Variants in ITPR2 observed in about 807,000 individuals in gnomAD.
ITPR2 encodes the protein inositol 1,4,5-trisphosphate receptor type 2.
ITPR2 carries 207 observed loss-of-function variants against 317.1 expected under a neutral mutation model. The observed-to-expected ratio is 0.65, with a 90% CI of 0.58 to 0.73. The LOEUF (loss-of-function observed/expected upper bound fraction) is 0.73, where lower values mean the gene tolerates loss of function less well. ITPR2 is among the 30% of genes least tolerant of loss of function. ITPR2 has a pLI of 0.00. For missense variants in ITPR2, 2,613 were observed against 3,284.0 expected, an observed-to-expected ratio of 0.80 and a Z score of 4.99; for synonymous variants, 1,156 against 1,149.1, an observed-to-expected ratio of 1.01 and a Z score of -0.12.
At chr12:26,576,985 ACTCTCT>A (rs145866496) in intron 34 of ITPR2, among the ~76,000 whole-genome samples, 1 of 149,262 alleles carries the variant, frequency 6.7e-6, no homozygotes, top group Non-Finnish European at 1.5e-5. Context: ...CCTTCCTTTC[ACTCTCT>A]CTCTCTCTCT....
chr12:26,748,547 T>A (rs1420722713), intron 2 of ITPR2, among the ~76,000 whole-genome samples: 5 of 152,344 alleles, frequency 3.3e-5, no homozygotes, highest in Non-Finnish European at 7.3e-5. Flanking sequence ...CAGATATGTA[T>A]CTTTAAATCA....
chr12:26,533,107 CTA>C (rs1300887046), intron 37 of ITPR2, among the ~76,000 whole-genome samples: 14 of 152,226 alleles, frequency 9.2e-5, no homozygotes, highest in Non-Finnish European at 2.1e-4. Flanking sequence ...AAACTGGACT[CTA>C]TATTTGAGTC....
intron 10 of ITPR2, among the ~76,000 whole-genome samples, chr12:26,692,117 G>GCCCCCC (rs199783738): frequency 2.6e-4 from 39 of 151,692 alleles, no homozygotes; most frequent in African/African-American, 9.2e-4. Context: ...CTGGTACACC[G>GCCCCCC]CCCCCCCGCC....
intron 2 of ITPR2, among the ~76,000 whole-genome samples, chr12:26,744,413 ACT>A (rs1949285808): frequency 6.6e-6 from 1 of 152,044 alleles, no homozygotes; most frequent in African/African-American, 2.4e-5. Context: ...TGCACAGGTA[ACT>A]CTGCCCCGAC....
At chr12:26,734,132 A>G (rs1341620700) in intron 2 of ITPR2, among the ~76,000 whole-genome samples, 1 of 152,210 alleles carries the variant, frequency 6.6e-6, no homozygotes, top group Non-Finnish European at 1.5e-5. Context: ...GCTTTGAAGT[A>G]TTAGTTCTAT....
chr12:26,689,811 TGAA>T (rs946486859), intron 10 of ITPR2, among the ~76,000 whole-genome samples: 2 of 152,232 alleles, frequency 1.3e-5, no homozygotes, highest in Non-Finnish European at 2.9e-5. Flanking sequence ...ACAATGATTA[TGAA>T]GAACACGGCA....
At chr12:26,490,109 CA>C (rs1942763324) in intron 39 of ITPR2, among the ~76,000 whole-genome samples, 1 of 152,076 alleles carries the variant, frequency 6.6e-6, no homozygotes, top group South Asian at 2.1e-4. Flanking sequence ...GCTGTTTCAT[CA>C]AAAAATATTT....
At chr12:26,779,158 AG>A (rs1007427411) in intron 2 of ITPR2, among the ~76,000 whole-genome samples, 21 of 152,180 alleles carry the variant, frequency 1.4e-4, no homozygotes, top group Non-Finnish European at 2.6e-4. Flanking sequence ...AGTGACAGAT[AG>A]GGATGCTGTT....
At chr12:26,829,882 T>C (rs1258196570) in intron 1 of ITPR2, among the ~76,000 whole-genome samples, 1 of 152,158 alleles carries the variant, frequency 6.6e-6, no homozygotes, top group Non-Finnish European at 1.5e-5. Flanking sequence ...GTTTCACCAA[T>C]AGCAGCATTT....
chr12:26,441,836 C>A (rs908681359), intron 46 of ITPR2, among the ~76,000 whole-genome samples: 9 of 152,120 alleles, frequency 5.9e-5, no homozygotes, highest in Non-Finnish European at 5.9e-5. Context: ...CAGAGGACAT[C>A]CTTTTCCACA....
chr12:26,641,797 G>C (rs1946994809), intron 21 of ITPR2, among the ~76,000 whole-genome samples: 1 of 151,748 alleles, frequency 6.6e-6, no homozygotes, highest in South Asian at 2.1e-4. Context: ...CTAGTGTAGA[G>C]CATGTGTTTG....
intron 10 of ITPR2, among the ~76,000 whole-genome samples, chr12:26,693,312 G>A (rs10842777): frequency 0.42 from 63,318 of 151,968 alleles, 13,757 homozygotes; most frequent in East Asian, 0.57. Context: ...AAGAAGAAAA[G>A]CTATCAAGTC....
intron 14 of ITPR2, among the ~76,000 whole-genome samples, chr12:26,664,291 C>G (rs2136921854): frequency 6.6e-6 from 1 of 151,824 alleles, no homozygotes; most frequent in African/African-American, 2.4e-5. Flanking sequence ...CAGAAAATGA[C>G]TTCCAAACAT....
At chr12:26,446,364 G>T (rs762644963) in intron 45 of ITPR2, among the ~76,000 whole-genome samples, 1 of 151,980 alleles carries the variant, frequency 6.6e-6, no homozygotes, top group Admixed American at 6.6e-5. Context: ...GTTGGGTAAG[G>T]TCAACAACAC....
intron 26 of ITPR2, among the ~76,000 whole-genome samples, chr12:26,611,057 C>G (rs904560293): frequency 3.9e-5 from 6 of 152,228 alleles, no homozygotes; most frequent in Non-Finnish European, 7.3e-5. Context: ...GCGTAACCGT[C>G]TCAATAAAGG....
intron 5 of ITPR2, among the ~76,000 whole-genome samples, chr12:26,716,861 C>T (rs953915982): frequency 6.6e-6 from 1 of 152,066 alleles, no homozygotes; most frequent in Non-Finnish European, 1.5e-5. Context: ...CTCCTTAAAC[C>T]TGATGTTCAT....
chr12:26,807,743 G>A (rs888330845), intron 1 of ITPR2, among the ~76,000 whole-genome samples: 1 of 152,118 alleles, frequency 6.6e-6, no homozygotes, highest in Non-Finnish European at 1.5e-5. Context: ...CTTGGTAAGG[G>A]ACATTCAATG....
chr12:26,376,806 G>A (rs1326893382), intron 55 of ITPR2, among the ~76,000 whole-genome samples: 1 of 151,494 alleles, frequency 6.6e-6, no homozygotes, highest in African/African-American at 2.4e-5. Context: ...GTGGCTGACT[G>A]CAACCTCCAC....
intron 32 of ITPR2, among the ~76,000 whole-genome samples, chr12:26,589,854 AC>A: frequency 1.5e-4 from 1 of 6,874 alleles, no homozygotes. Context: ...ATATATATAT[AC>A]ACACACACAC....
Sources: gnomAD v4.1 joint callset for allele counts (sites outside exome capture counted in the v4.1 genomes callset) on GRCh38, gnomAD v4.1.1 for gene constraint, MANE v1.5 for transcripts, NCBI Gene and HGNC (gene_info 2026-07-23, HGNC 2026-07-21) for gene names.